UNC93A: variants seen among roughly 807,000 people sequenced by gnomAD.
UNC93A encodes the protein N-acetylglucosamine transporter UNC93A.
A neutral mutation model predicts 47.5 loss-of-function variants in UNC93A; 43 were observed. The ratio of observed to expected loss-of-function variants is 0.91; its 90% CI spans 0.71 to 1.17. The LOEUF (loss-of-function observed/expected upper bound fraction) is 1.17. Ranked by LOEUF, UNC93A falls within the 50% of genes most tolerant of loss-of-function variation. The pLI, the probability that UNC93A is intolerant of heterozygous loss-of-function variation, is 0.00. For synonymous variants in UNC93A, 280 were observed against 258.0 expected (o/e 1.09, Z -0.82); for missense variants, 605 against 577.6 (o/e 1.05, Z -0.49).
At chr6:167,289,453 A>G (rs574361308), upstream of UNC93A, among the ~76,000 whole-genome samples, 4 of 152,220 alleles carry the variant, frequency 2.6e-5, no homozygotes, top group South Asian at 2.1e-4. Flanking sequence ...GGAGGAAAAG[A>G]GAGAAAAAGC....
At chr6:167,289,950 A>G (rs1272457508), upstream of UNC93A, among the ~76,000 whole-genome samples, 1 of 152,242 alleles carries the variant, frequency 6.6e-6, no homozygotes, top group East Asian at 1.9e-4. Flanking sequence ...GTCAATTAAC[A>G]TTTATTGGTG....
intron 7 of UNC93A, 78 bp downstream of exon 7, chr6:167,307,988 G>A: frequency 6.4e-7 from 1 of 1,571,200 alleles, no homozygotes; most frequent in Non-Finnish European, 8.6e-7. Context: ...GGGCTCATTA[G>A]ATGCCAATGG....
chr6:167,301,899 G>A (rs1054597176), intron 4 of UNC93A, among the ~76,000 whole-genome samples: 3 of 152,164 alleles, frequency 2.0e-5, no homozygotes, highest in African/African-American at 7.2e-5. Flanking sequence ...CTGTGCAGGC[G>A]TGACAACCTG....
chr6:167,283,108 A>G (rs1783660134), intron 1 of UNC93A, among the ~76,000 whole-genome samples: 1 of 152,198 alleles, frequency 6.6e-6, no homozygotes, highest in African/African-American at 2.4e-5. Flanking sequence ...TTTGGGGTCC[A>G]CAAAAGACCT....
chr6:167,296,935 G>A (rs1778106711), intron 3 of UNC93A, among the ~76,000 whole-genome samples: 1 of 152,080 alleles, frequency 6.6e-6, no homozygotes, highest in Non-Finnish European at 1.5e-5. Context: ...CTTCATCAAG[G>A]TTCTCCATCT....
upstream of UNC93A, among the ~76,000 whole-genome samples, chr6:167,270,543 A>G (rs423642): frequency 0.5 from 75,861 of 151,700 alleles, 18,953 homozygotes; most frequent in South Asian, 0.54. Context: ...CGGAGGAGAA[A>G]GGGTTGTGGG....
chr6:167,275,186 G>A lies in UNC93A; in HGVS notation c.-52+3728G>A, dbSNP rs140268856. On this transcript the variant is annotated intron_variant, in intron 1 of 3. Coordinates refer to the UNC93A transcript ENST00000503433. ...TTCTCACTTCACACTGAGCTGCCTG[G>A]TTGCCTGCGAAACTCTGCAGGGTCT... Among the ~76,000 whole-genome samples, 29 of 152,276 alleles carry A rather than the reference G, an allele frequency of 1.9e-4. No homozygotes were observed. In the East Asian group the frequency reaches 5.0e-3, roughly 26 times the overall value.
intron 7 of UNC93A, among the ~76,000 whole-genome samples, chr6:167,310,483 G>A (rs572133744): frequency 5.6e-4 from 85 of 152,410 alleles, no homozygotes; most frequent in Non-Finnish European, 9.8e-4. Flanking sequence ...CAACGTCCAA[G>A]TCCGGTGAAT....
At chr6:167,284,708 G>T (rs1346239937) in intron 1 of UNC93A, among the ~76,000 whole-genome samples, 1 of 152,290 alleles carries the variant, frequency 6.6e-6, no homozygotes, top group Non-Finnish European at 1.5e-5. Flanking sequence ...ACAGAGTCTT[G>T]CCTGTAGTGC....
At chr6:167,296,347 A>G in intron 3 of UNC93A, 86 bp downstream of exon 3, 1 of 1,387,914 alleles carries the variant, frequency 7.2e-7, no homozygotes, top group Non-Finnish European at 1.0e-6. Context: ...TCAGTTGCAC[A>G]CCTGCCTTGA....
chr6:167,280,706 G>T (rs1431169250), intron 1 of UNC93A, among the ~76,000 whole-genome samples: 1 of 152,122 alleles, frequency 6.6e-6, no homozygotes, highest in East Asian at 1.9e-4. Flanking sequence ...CTTATCATAA[G>T]TTCCTCAAAT....
chr6:167,272,424 G>A (rs1268914212), intron 1 of UNC93A, among the ~76,000 whole-genome samples: 2 of 152,220 alleles, frequency 1.3e-5, no homozygotes, highest in East Asian at 3.8e-4. Flanking sequence ...GGGGCCTGTT[G>A]ACGAAGAGCC....
chr6:167,305,936 G>A lies in UNC93A; in HGVS notation c.862G>A (p.Gly288Ser). 6.2e-7 allele frequency: 1 copy of A among 1,614,126 alleles called. No homozygotes were observed. The highest frequency in any genetic ancestry group is 1.3e-5 in the African/African-American group (1 of 75,002). The part of the protein sequence containing the change: ...YTRSYVTCTL[G>S]IQFVGYVMIC... ...CCAGTCCTATGTCACCTGCACCCTG[G>A]GCATCCAGTTCGTCGGCTACGTGAT... is the stretch of plus-strand genomic sequence containing the variant. The change falls in exon 6 of 8, where the codon GGC (glycine) becomes AGC (serine). Residue 288 changes from glycine (G) to serine (S), a missense_variant. Transcript: ENST00000230256.
chr6:167,270,134 C>A (rs1240631054), upstream of UNC93A, among the ~76,000 whole-genome samples: 2 of 151,840 alleles, frequency 1.3e-5, no homozygotes, highest in Non-Finnish European at 1.5e-5. Context: ...TCTGGAGGAC[C>A]CATCCATCTG....
chr6:167,313,885 G>C (rs893867436), intron 7 of UNC93A, among the ~76,000 whole-genome samples: 1 of 152,116 alleles, frequency 6.6e-6, no homozygotes, highest in Admixed American at 6.5e-5. Context: ...ATCAAAATTT[G>C]GTTATTCAGT....
chr6:167,288,449 TACACACACACACAC>T (rs10586281), upstream of UNC93A, among the ~76,000 whole-genome samples: 203 of 134,848 alleles, frequency 1.5e-3, 1 homozygote, highest in Middle Eastern at 0.015. Context: ...TGTTCTTCCT[TACACACACACACAC>T]ACACACACAC....
At position 167,313,714 on chromosome 6, in the gene UNC93A, C is replaced by T. The variant is rs772543153; in HGVS notation, c.1109-1473C>T. 2.6e-5 allele frequency among the ~76,000 whole-genome samples: 4 copies of T among 151,988 alleles called. No individual in the cohort carries two copies. In the East Asian group the frequency reaches 5.8e-4, roughly 22 times the overall value. On this transcript the variant is annotated intron_variant, in intron 7 of 7. Coordinates refer to ENST00000230256, the MANE Select transcript of UNC93A (RefSeq NM_018974.4). ...TTTTCCGACCTGCCCAGGGTGTAGC[C>T]GGGAGCTTTTAGCCACAGAACATGG... is the stretch of plus-strand genomic sequence containing the variant.
chr6:167,313,995 A>G (rs770659532), intron 7 of UNC93A, among the ~76,000 whole-genome samples: 1 of 152,162 alleles, frequency 6.6e-6, no homozygotes, highest in African/African-American at 2.4e-5. Flanking sequence ...TTGTTTCCCA[A>G]ACATCCATGA....
chr6:167,310,273 A>C (rs1053085727), intron 7 of UNC93A, among the ~76,000 whole-genome samples: 1 of 152,294 alleles, frequency 6.6e-6, no homozygotes, highest in Non-Finnish European at 1.5e-5. Context: ...ACACTGGGAC[A>C]AATATCCCCA....
Sources: gnomAD v4.1 joint callset for allele counts (sites outside exome capture counted in the v4.1 genomes callset) on GRCh38, gnomAD v4.1.1 for gene constraint, MANE v1.5 for transcripts, NCBI Gene and HGNC (gene_info 2026-07-23, HGNC 2026-07-21) for gene names.